The following AR variants were observed in gnomAD, a reference collection of about 807,000 sequenced individuals.
AR encodes the protein androgen receptor.
In AR, 8 loss-of-function variants were observed where a neutral mutation model predicts 53.9. That is an observed-to-expected ratio of 0.15 (90% CI 0.09 to 0.27). AR has a LOEUF of 0.27. AR is among the 10% of genes least tolerant of loss of function. AR has a pLI of 1.00. For synonymous variants in AR, 359 were observed against 316.4 expected (o/e 1.13, Z -1.43); for missense variants, 639 against 742.5 (o/e 0.86, Z 1.62).
At chrX:67,563,347 C>G (rs927812840) in intron 1 of AR, among the ~76,000 whole-genome samples, 1 of 111,738 alleles carries the variant, frequency 8.9e-6, no homozygotes, top group Non-Finnish European at 1.9e-5. Flanking sequence ...GCTGCTTCAC[C>G]TCTCTTGAGT....
chrX:67,653,664 C>T (rs993151042), intron 2 of AR, among the ~76,000 whole-genome samples: 2 of 111,268 alleles, frequency 1.8e-5, no homozygotes, highest in African/African-American at 6.5e-5. Context: ...ACCTTGCTCC[C>T]TCCGCATGCT....
Position 67,730,399 on chromosome X carries a change from G to A in AR, c.*6558G>A, listed in dbSNP as rs1247133308. On this transcript the variant is annotated 3_prime_UTR_variant, in exon 8 of 8. Coordinates refer to ENST00000374690, the MANE Select transcript of AR (RefSeq NM_000044.6). ...AAAAATGGCAGAAACTTGTTTGTTG[G>A]ACTACATGTGTGACTTTGGGTCTGT... The A allele has an allele frequency of 5.8e-6, 1 of 171,942 alleles. No homozygotes were observed. The highest frequency in any genetic ancestry group is 1.1e-5 in the Non-Finnish European group (1 of 90,332). The allele number at this position is 171,942 out of a possible 1,213,427, so 14.2% of individuals were successfully genotyped here.
At chrX:67,708,447 C>T (rs2076078578) in intron 3 of AR, among the ~76,000 whole-genome samples, 1 of 112,015 alleles carries the variant, frequency 8.9e-6, no homozygotes, top group Non-Finnish European at 1.9e-5. Flanking sequence ...GCTACTGAAG[C>T]TTGTGCATTC....
chrX:67,616,994 C>T (rs1924151221), intron 1 of AR, among the ~76,000 whole-genome samples: 1 of 111,454 alleles, frequency 9.0e-6, no homozygotes, highest in South Asian at 3.8e-4. Flanking sequence ...CATTTGAAGA[C>T]TAAATCATAG....
chrX:67,579,857 T>C (rs996442697), intron 1 of AR, among the ~76,000 whole-genome samples: 4 of 111,476 alleles, frequency 3.6e-5, no homozygotes, highest in African/African-American at 9.8e-5. Flanking sequence ...AATGCAAACA[T>C]TGTAATTTCT....
chrX:67,666,009 C>A (rs538712127), intron 2 of AR, among the ~76,000 whole-genome samples: 4 of 111,432 alleles, frequency 3.6e-5, no homozygotes, highest in African/African-American at 1.3e-4. Flanking sequence ...ATAATAATCA[C>A]CAGAGTTAAT....
chrX:67,569,741 G>C lies in AR; in HGVS notation c.1616+22979G>C, dbSNP rs748365625. ...GTCTGTATTACAGCTGTTTATTTCT[G>C]TCGGTGTGTGGATTTCTATGTCTGT... On this transcript the variant is annotated intron_variant, in intron 1 of 7. Coordinates refer to ENST00000374690, the MANE Select transcript of AR (RefSeq NM_000044.6). Among the ~76,000 whole-genome samples, 48 of 111,158 alleles carry C rather than the reference G, an allele frequency of 4.3e-4. 1 individual carries two copies. The highest frequency in any genetic ancestry group is 1.5e-3 in the African/African-American group (45 of 30,579).
At chrX:67,676,521 C>T (rs1217487690) in intron 2 of AR, among the ~76,000 whole-genome samples, 1 of 111,876 alleles carries the variant, frequency 8.9e-6, no homozygotes, top group Non-Finnish European at 1.9e-5. Context: ...AGAAAATGGC[C>T]AAGAAATACC....
At chrX:67,657,014 T>C (rs1477481056) in intron 2 of AR, among the ~76,000 whole-genome samples, 3 of 110,711 alleles carry the variant, frequency 2.7e-5, no homozygotes, top group Admixed American at 9.7e-5. Flanking sequence ...AGCAATTGAT[T>C]GGTTTAAATC....
At chrX:67,588,918 C>T (rs1922692231) in intron 1 of AR, among the ~76,000 whole-genome samples, 1 of 112,185 alleles carries the variant, frequency 8.9e-6, no homozygotes, top group Admixed American at 9.4e-5. Flanking sequence ...CAATAACACT[C>T]TGGGCTCCTT....
chrX:67,554,657 C>T (rs987862495), intron 1 of AR, among the ~76,000 whole-genome samples: 3 of 111,463 alleles, frequency 2.7e-5, no homozygotes, highest in Non-Finnish European at 3.8e-5. Flanking sequence ...AGAATCTGGC[C>T]GGGCATGGTG....
intron 2 of AR, among the ~76,000 whole-genome samples, chrX:67,659,299 G>A (rs1469012717): frequency 1.8e-5 from 2 of 110,092 alleles, no homozygotes; most frequent in African/African-American, 6.6e-5. Flanking sequence ...CATGTGCCAT[G>A]TTGGTGTGCT....
chrX:67,553,276 T>C (rs1182109714), intron 1 of AR, among the ~76,000 whole-genome samples: 1 of 112,122 alleles, frequency 8.9e-6, no homozygotes, highest in Non-Finnish European at 1.9e-5. Context: ...TTCTTTTGCA[T>C]GTAGATATTC....
intron 2 of AR, among the ~76,000 whole-genome samples, chrX:67,675,194 C>T (rs1490051774): frequency 9.3e-6 from 1 of 108,084 alleles, no homozygotes; most frequent in African/African-American, 3.4e-5. Flanking sequence ...TCTTTACTCT[C>T]CCCTCTCCTG....
intron 1 of AR, among the ~76,000 whole-genome samples, chrX:67,599,005 G>A (rs1209022413): frequency 9.0e-6 from 1 of 111,174 alleles, no homozygotes; most frequent in African/African-American, 3.3e-5. Context: ...ACTAGTTCAA[G>A]TGGAAACGTG....
intron 3 of AR, among the ~76,000 whole-genome samples, chrX:67,709,387 G>T (rs1189968718): frequency 3.6e-5 from 4 of 112,137 alleles, no homozygotes; most frequent in Non-Finnish European, 7.5e-5. Flanking sequence ...TTCGATTTCA[G>T]ACTGCTCTGC....
chrX:67,677,691 A>G (rs2075908794), intron 2 of AR, among the ~76,000 whole-genome samples: 1 of 111,426 alleles, frequency 9.0e-6, no homozygotes, highest in African/African-American at 3.3e-5. Flanking sequence ...GAAAATACTG[A>G]GAATATAGTG....
intron 1 of AR, among the ~76,000 whole-genome samples, chrX:67,604,409 G>T (rs1923530496): frequency 9.0e-6 from 1 of 110,565 alleles, no homozygotes; most frequent in Admixed American, 9.7e-5. Context: ...TGAGAGAATA[G>T]GGTGATTCAA....
At position 67,724,136 on chromosome X, in the gene AR, G is replaced by C; in HGVS notation, c.*295G>C. The C allele has an allele frequency of 2.9e-6, 1 of 349,682 alleles. No individual in the cohort carries two copies. The highest frequency in any genetic ancestry group is 4.7e-5 in the East Asian group (1 of 21,200). The allele number at this position is 349,682 out of a possible 1,213,427, so 28.8% of individuals were successfully genotyped here. A position where few individuals can be genotyped will look rare whatever the true frequency, so the allele number is the denominator to read the frequency against. ...TGTTGTATGCCTTTAAATCTGTGAT[G>C]ATCCTCATATGGCCCAGTGTCAAGT... On this transcript the variant is annotated 3_prime_UTR_variant, in exon 8 of 8. Coordinates refer to ENST00000374690, the MANE Select transcript of AR (RefSeq NM_000044.6).
Sources: allele counts gnomAD v4.1 joint callset (sites outside exome capture counted in the v4.1 genomes callset), GRCh38; gene constraint gnomAD v4.1.1; transcripts MANE v1.5; gene names NCBI Gene and HGNC (gene_info 2026-07-23, HGNC 2026-07-21).